GNA14: variants seen among roughly 807,000 people sequenced by gnomAD.
GNA14 encodes the protein G protein subunit alpha 14, also known as guanine nucleotide-binding protein subunit alpha-14.
GNA14 carries 50 observed loss-of-function variants against 42.0 expected under a neutral mutation model. That is an observed-to-expected ratio of 1.19 (90% CI 0.95 to 1.51). The LOEUF is 1.51. Among genes scored for constraint, GNA14 ranks in the 40% most tolerant of loss-of-function variants. The pLI is 0.00. For missense variants in GNA14, 473 were observed against 446.2 expected, an observed-to-expected ratio of 1.06 and a Z score of -0.54; for synonymous variants, 173 against 163.1, an observed-to-expected ratio of 1.06 and a Z score of -0.46.
intron 2 of GNA14, among the ~76,000 whole-genome samples, chr9:77,465,390 T>A (rs1836204074): frequency 6.6e-6 from 1 of 152,324 alleles, no homozygotes; most frequent in Non-Finnish European, 1.5e-5. Context: ...TGTAGGAAAA[T>A]ACCACATTTA....
intron 1 of GNA14, among the ~76,000 whole-genome samples, chr9:77,645,972 G>T (rs1259224909): frequency 2.0e-5 from 3 of 152,210 alleles, no homozygotes; most frequent in Non-Finnish European, 4.4e-5. Flanking sequence ...TTATTTTCTA[G>T]TGTTAATCAA....
intron 2 of GNA14, among the ~76,000 whole-genome samples, chr9:77,515,630 G>T (rs17195438): frequency 0.19 from 28,233 of 151,958 alleles, 2,830 homozygotes; most frequent in Non-Finnish European, 0.22. Context: ...GAGAGCTGGA[G>T]GAAACAGACA....
At chr9:77,634,277 G>A (rs1174103308) in intron 1 of GNA14, among the ~76,000 whole-genome samples, 2 of 151,912 alleles carry the variant, frequency 1.3e-5, no homozygotes, top group Non-Finnish European at 2.9e-5. Context: ...TAAATAAGCT[G>A]GGCATACTGA....
At chr9:77,488,513 T>C (rs532992366) in intron 2 of GNA14, among the ~76,000 whole-genome samples, 1 of 152,218 alleles carries the variant, frequency 6.6e-6, no homozygotes, top group South Asian at 2.1e-4. Context: ...CCAAAGCTGA[T>C]GTTAAATCAG....
rs1824147903 is a variant in GNA14 at position 77,634,436 on chromosome 9, G to A, written c.124+13234C>T. On this transcript the variant is annotated intron_variant, in intron 1 of 6. Coordinates refer to ENST00000341700, the MANE Select transcript of GNA14 (RefSeq NM_004297.4). The stretch of plus-strand genomic sequence containing the variant: ...CAAAAAGAAAAAAAAAAAAAAAAAG[G>A]AAGGAAGGAAGCGAAAGGAAAGGAA... Among the ~76,000 whole-genome samples, 3 of 147,058 alleles carry A rather than the reference G, an allele frequency of 2.0e-5. No homozygotes were observed. The South Asian group carries it at 6.6e-4, about 32-fold the overall frequency.
chr9:77,612,818 A>C (rs1823755198), intron 1 of GNA14, among the ~76,000 whole-genome samples: 1 of 152,198 alleles, frequency 6.6e-6, no homozygotes, highest in African/African-American at 2.4e-5. Flanking sequence ...GCAGTTAAAA[A>C]ATTTAAAAAT....
In GNA14 at chr9:77,547,640, A is replaced by AT. The variant is rs200458791; in HGVS notation, c.125-18388dup. Among the ~76,000 whole-genome samples the AT allele has an allele frequency of 4.3e-3, 649 of 152,090 alleles. 7 individuals carry two copies. Among genetic ancestry groups the AT allele is most frequent in the African/African-American group, 0.015 (610 of 41,506 alleles). On this transcript the variant is annotated intron_variant, in intron 1 of 6. Coordinates refer to ENST00000341700, the MANE Select transcript of GNA14 (RefSeq NM_004297.4). ...CAAGGCAGTCCCTTTTGGATTTATTATTTTTTTTCTTGGCACTAAAGAGCC... is the reference window on the plus strand; with the variant it reads ...CAAGGCAGTCCCTTTTGGATTTATTATTTTTTTTTCTTGGCACTAAAGAGCC...
intron 2 of GNA14, among the ~76,000 whole-genome samples, chr9:77,459,761 C>G (rs954742818): frequency 1.3e-5 from 2 of 152,160 alleles, no homozygotes; most frequent in African/African-American, 4.8e-5. Context: ...AATAATGTGT[C>G]CTTATTTGAC....
At chr9:77,560,307 G>A (rs867595731) in intron 1 of GNA14, among the ~76,000 whole-genome samples, 2 of 35,376 alleles carry the variant, frequency 5.7e-5, no homozygotes, top group Non-Finnish European at 1.1e-4. Context: ...TTTTTTTTTT[G>A]AGGTGGAGTC....
At position 77,430,891 on chromosome 9, in the gene GNA14, A is replaced by AT. The variant is rs137932270; in HGVS notation, c.593+429dup. 6.9e-3 allele frequency among the ~76,000 whole-genome samples: 1,057 copies of AT among 152,264 alleles called. 14 individuals are homozygous for AT. The highest frequency in any genetic ancestry group is 0.024 in the African/African-American group (987 of 41,540). ...ATTATTCTTCACAGTTTTCATACAC[A>AT]TTTTTTGTATCCTTAATTTTCTAAG... On this transcript the variant is annotated intron_variant, in intron 4 of 6. Coordinates refer to ENST00000341700, the MANE Select transcript of GNA14 (RefSeq NM_004297.4).
intron 1 of GNA14, among the ~76,000 whole-genome samples, chr9:77,558,934 A>AC (rs1420755551): frequency 6.6e-6 from 1 of 151,840 alleles, no homozygotes; most frequent in African/African-American, 2.4e-5. Context: ...AAAAACAAAA[A>AC]AAAAAACAAA....
chr9:77,494,031 G>A (rs185595157), intron 2 of GNA14, among the ~76,000 whole-genome samples: 31 of 152,152 alleles, frequency 2.0e-4, no homozygotes, highest in Admixed American at 7.9e-4. Flanking sequence ...AGTGATTCTC[G>A]TGACTCAGCC....
chr9:77,458,991 C>T (rs548021383), intron 2 of GNA14, among the ~76,000 whole-genome samples: 78 of 152,216 alleles, frequency 5.1e-4, no homozygotes, highest in African/African-American at 1.6e-3. Flanking sequence ...TAAGTCATCG[C>T]CCTCCATCCC....
At chr9:77,454,006 A>C (rs908858609) in intron 2 of GNA14, among the ~76,000 whole-genome samples, 10 of 152,196 alleles carry the variant, frequency 6.6e-5, no homozygotes, top group Middle Eastern at 3.2e-3. Context: ...AAGCTTCATG[A>C]TTCAGTATCT....
rs562421887 is a variant in GNA14 at position 77,637,730 on chromosome 9, T to A, written c.124+9940A>T. Among the ~76,000 whole-genome samples, 8 of 152,150 alleles carry A rather than the reference T, an allele frequency of 5.3e-5. No individual in the cohort carries two copies. The South Asian group carries it at 1.7e-3, about 32-fold the overall frequency. On this transcript the variant is annotated intron_variant, in intron 1 of 6. Transcript: ENST00000341700. ...ACCTAGCCGGGTGTGGTAGCATGCC[T>A]GTAGTCCCAGCTACTCGGCAGGCTG...
intron 2 of GNA14, among the ~76,000 whole-genome samples, chr9:77,515,960 C>CAAAAAAAAAAAAAAAAAAAAAA (rs1158448237): frequency 3.8e-5 from 2 of 52,734 alleles, no homozygotes; most frequent in African/African-American, 6.4e-5. Context: ...CCCTGTCTCA[C>CAAAAAAAAAAAAAAAAAAAAAA]AAAAAAAAAA....
chr9:77,608,187 C>T (rs1053045317), intron 1 of GNA14, among the ~76,000 whole-genome samples: 1 of 152,144 alleles, frequency 6.6e-6, no homozygotes, highest in Non-Finnish European at 1.5e-5. Flanking sequence ...ATCGAATTTT[C>T]CTTGCTAGGT....
chr9:77,626,802 C>T (rs956466031), intron 1 of GNA14, among the ~76,000 whole-genome samples: 2 of 152,100 alleles, frequency 1.3e-5, no homozygotes, highest in Admixed American at 6.6e-5. Context: ...AAAATCAACA[C>T]CCTAACATCA....
chr9:77,581,126 CAT>C (rs915827437), intron 1 of GNA14, among the ~76,000 whole-genome samples: 2 of 152,078 alleles, frequency 1.3e-5, no homozygotes, highest in African/African-American at 4.8e-5. Flanking sequence ...CTGCAGTTCT[CAT>C]AGACTTTTTG....
Sources: allele counts gnomAD v4.1 joint callset (sites outside exome capture counted in the v4.1 genomes callset), GRCh38; gene constraint gnomAD v4.1.1; transcripts MANE v1.5; gene names NCBI Gene and HGNC (gene_info 2026-07-23, HGNC 2026-07-21).